The following SLC35D4 variants were observed in gnomAD, a reference collection of about 807,000 sequenced individuals.
The protein encoded by SLC35D4 is UDP-N-acetylglucosamine transporter SLC35D4.
At chr18:23,391,596 T>C in the SLC35D4 span, among the ~76,000 whole-genome samples, 7 of 152,174 alleles carry the variant, frequency 4.6e-5, no homozygotes, top group Admixed American at 4.6e-4. Context: ...CAAGTGATCC[T>C]CCCACCTCAG....
At chr18:23,326,136 A>T in the SLC35D4 span, among the ~76,000 whole-genome samples, 1 of 152,232 alleles carries the variant, frequency 6.6e-6, no homozygotes, top group Non-Finnish European at 1.5e-5. Flanking sequence ...CTGACTGAGC[A>T]TGTGCTCAGG....
chr18:23,279,241 TAGAGA>T, the SLC35D4 span, among the ~76,000 whole-genome samples: 3 of 152,068 alleles, frequency 2.0e-5, no homozygotes, highest in Non-Finnish European at 2.9e-5. Context: ...AGGAAGAAGA[TAGAGA>T]AAAGGGCCTC....
the SLC35D4 span, among the ~76,000 whole-genome samples, chr18:23,294,997 G>GT: frequency 6.6e-6 from 1 of 152,016 alleles, no homozygotes; most frequent in Non-Finnish European, 1.5e-5. Context: ...GGAAAGACAG[G>GT]TATAAAATGA....
chr18:23,261,620 A>C, the SLC35D4 span, among the ~76,000 whole-genome samples: 1 of 152,162 alleles, frequency 6.6e-6, no homozygotes, highest in African/African-American at 2.4e-5. Flanking sequence ...CTGTCTCAGA[A>C]AAAAAAGAAA....
At chr18:23,289,082 T>G in the SLC35D4 span, among the ~76,000 whole-genome samples, 1 of 152,116 alleles carries the variant, frequency 6.6e-6, no homozygotes, top group East Asian at 1.9e-4. Flanking sequence ...CCCAAAAAAC[T>G]TGTCATCCCT....
the SLC35D4 span, among the ~76,000 whole-genome samples, chr18:23,402,424 C>G: frequency 2.0e-5 from 3 of 152,186 alleles, no homozygotes; most frequent in African/African-American, 7.2e-5. Context: ...ACAATCCACA[C>G]ACAAACGAAA....
chr18:23,250,869 G>A, the SLC35D4 span, among the ~76,000 whole-genome samples: 1 of 152,208 alleles, frequency 6.6e-6, no homozygotes, highest in Non-Finnish European at 1.5e-5. Context: ...ATATTGCTGT[G>A]CTTTGCCTTT....
chr18:23,389,282 C>A, the SLC35D4 span, among the ~76,000 whole-genome samples: 1 of 152,158 alleles, frequency 6.6e-6, no homozygotes, highest in Non-Finnish European at 1.5e-5. Context: ...GGCCACCGTG[C>A]CTGGCCTGTC....
the SLC35D4 span, among the ~76,000 whole-genome samples, chr18:23,279,093 T>A: frequency 6.6e-6 from 1 of 152,148 alleles, no homozygotes; most frequent in Non-Finnish European, 1.5e-5. Context: ...GCAGTGCCTT[T>A]GTCTTCACAG....
the SLC35D4 span, among the ~76,000 whole-genome samples, chr18:23,320,898 C>T: frequency 1.3e-5 from 2 of 152,296 alleles, no homozygotes. Context: ...CTGCAGTCTC[C>T]TAAATACCCC....
At chr18:23,430,166 C>T in the SLC35D4 span, among the ~76,000 whole-genome samples, 4 of 152,090 alleles carry the variant, frequency 2.6e-5, no homozygotes, top group African/African-American at 9.7e-5. Context: ...TTTAATCCAT[C>T]CTGAGTTAAT....
the SLC35D4 span, among the ~76,000 whole-genome samples, chr18:23,427,411 T>C: frequency 2.0e-5 from 3 of 151,884 alleles, no homozygotes; most frequent in Non-Finnish European, 2.9e-5. Context: ...AACAGACACA[T>C]GAAAAAATGC....
At chr18:23,371,939 T>TTTTTTTTTTG in the SLC35D4 span, among the ~76,000 whole-genome samples, 24 of 22,434 alleles carry the variant, frequency 1.1e-3, 3 homozygotes, top group South Asian at 3.8e-3. Flanking sequence ...TTTTTTGTTT[T>TTTTTTTTTTG]TTTTTTTTTT....
chr18:23,305,702 C>T, the SLC35D4 span, among the ~76,000 whole-genome samples: 1 of 152,122 alleles, frequency 6.6e-6, no homozygotes, highest in Non-Finnish European at 1.5e-5. Context: ...CTTCTTGGGG[C>T]AGGAAATGCC....
the SLC35D4 span, among the ~76,000 whole-genome samples, chr18:23,335,157 G>T: frequency 2.0e-5 from 3 of 152,154 alleles, no homozygotes; most frequent in African/African-American, 4.8e-5. Context: ...AGGAAAACAA[G>T]TCTGAGGAGG....
At chr18:23,369,441 T>C in the SLC35D4 span, among the ~76,000 whole-genome samples, 1 of 152,182 alleles carries the variant, frequency 6.6e-6, no homozygotes, top group Non-Finnish European at 1.5e-5. Flanking sequence ...CTCCATTGAC[T>C]GGCTGCAACA....
At chr18:23,309,398 G>A in the SLC35D4 span, among the ~76,000 whole-genome samples, 2 of 152,056 alleles carry the variant, frequency 1.3e-5, no homozygotes, top group Non-Finnish European at 2.9e-5. Context: ...GTGATGTTCT[G>A]TTTCTTGCTC....
At chr18:23,266,992 G>A in the SLC35D4 span, among the ~76,000 whole-genome samples, 2 of 150,778 alleles carry the variant, frequency 1.3e-5, no homozygotes, top group Non-Finnish European at 3.0e-5. Flanking sequence ...CCCCACTCCA[G>A]GGCAGAGCAT....
At chr18:23,411,509 G>GAAAGA in the SLC35D4 span, among the ~76,000 whole-genome samples, 1 of 149,582 alleles carries the variant, frequency 6.7e-6, no homozygotes, top group Non-Finnish European at 1.5e-5. Flanking sequence ...AAGAAAGAAA[G>GAAAGA]AAAGAAAGAA....
Sources: gnomAD v4.1 joint callset for allele counts (sites outside exome capture counted in the v4.1 genomes callset) on GRCh38, gnomAD v4.1.1 for gene constraint, MANE v1.5 for transcripts, NCBI Gene and HGNC (gene_info 2026-07-23, HGNC 2026-07-21) for gene names.